Variants in PKP4 observed in about 807,000 individuals in gnomAD.
PKP4 encodes the protein plakophilin 4, also known as plakophilin-4.
PKP4 carries 90 observed loss-of-function variants against 145.1 expected under a neutral mutation model. The observed-to-expected ratio is 0.62, with a 90% CI of 0.52 to 0.74. PKP4 has a LOEUF of 0.74. Ranked by LOEUF, PKP4 falls within the 30% of genes least tolerant of loss-of-function variation. The probability of loss-of-function intolerance (pLI) is 0.00; values close to 1 mark genes in which losing one functional copy is unlikely to be tolerated. For synonymous variants in PKP4, 563 were observed against 577.2 expected (o/e 0.98, Z 0.35); for missense variants, 1,340 against 1,482.7 (o/e 0.90, Z 1.58).
chr2:158,667,537 A>G (rs1365400894), intron 16 of PKP4, among the ~76,000 whole-genome samples: 1 of 152,174 alleles, frequency 6.6e-6, no homozygotes, highest in Non-Finnish European at 1.5e-5. Context: ...ATCTATAGTA[A>G]ACTTAAAATA....
intron 3 of PKP4, among the ~76,000 whole-genome samples, chr2:158,583,539 A>G (rs2048518872): frequency 6.6e-6 from 1 of 152,206 alleles, no homozygotes; most frequent in African/African-American, 2.4e-5. Context: ...TTGAAGTGTG[A>G]TTCACTTACC....
chr2:158,621,027 T>C lies in PKP4; in HGVS notation c.318T>C (p.Ser106=), dbSNP rs759917420. The C allele has an allele frequency of 6.2e-7, 1 of 1,614,170 alleles. No individual in the cohort carries two copies. ...PNTGVSKPRV[S]DAVQPNNYLI... Reference sequence around the variant, plus strand: ...CTGGTGTAAGCAAACCTAGAGTTTCTGACGCTGTCCAGCCCAACAACTATC... The same window carrying C: ...CTGGTGTAAGCAAACCTAGAGTTTCCGACGCTGTCCAGCCCAACAACTATC... Residue 106 remains serine, a synonymous_variant, in exon 5 of 22, where the codon TCT becomes TCC. Transcript: ENST00000389759.
At chr2:158,657,254 T>C (rs188527102) in intron 11 of PKP4, among the ~76,000 whole-genome samples, 4 of 152,220 alleles carry the variant, frequency 2.6e-5, no homozygotes, top group Admixed American at 1.3e-4. Flanking sequence ...TCAAATTTGC[T>C]CCAATGTCTA....
chr2:158,500,164 G>C (rs4605322), intron 1 of PKP4, among the ~76,000 whole-genome samples: 133,115 of 152,156 alleles, frequency 0.87, 58,514 homozygotes, highest in Middle Eastern at 0.93. Context: ...ATTTTTACTA[G>C]TCCCATCATT....
chr2:158,571,762 A>G (rs760015600), intron 2 of PKP4, among the ~76,000 whole-genome samples: 12 of 152,318 alleles, frequency 7.9e-5, no homozygotes, highest in East Asian at 7.7e-4. Flanking sequence ...AATGAGGGTA[A>G]GAGACTAGGA....
At chr2:158,611,670 G>C (rs2051161008) in intron 4 of PKP4, among the ~76,000 whole-genome samples, 1 of 152,144 alleles carries the variant, frequency 6.6e-6, no homozygotes, top group Non-Finnish European at 1.5e-5. Context: ...TAGGAAGTGA[G>C]TGTTGTATTG....
At chr2:158,564,346 T>A (rs1042839001) in intron 2 of PKP4, among the ~76,000 whole-genome samples, 12 of 152,106 alleles carry the variant, frequency 7.9e-5, no homozygotes, top group Non-Finnish European at 8.8e-5. Context: ...CAGATAAGAG[T>A]CCAACTCATT....
At chr2:158,602,382 A>G (rs1362027116) in intron 3 of PKP4, among the ~76,000 whole-genome samples, 3 of 152,244 alleles carry the variant, frequency 2.0e-5, no homozygotes. Flanking sequence ...CTAGCATTTA[A>G]TAAATGCTTA....
intron 1 of PKP4, among the ~76,000 whole-genome samples, chr2:158,514,215 T>A (rs1308376351): frequency 6.6e-6 from 1 of 152,232 alleles, no homozygotes; most frequent in Non-Finnish European, 1.5e-5. Context: ...TTTCAGGCAC[T>A]TTCTGGATCT....
chr2:158,634,646 C>A (rs895811984), intron 9 of PKP4, among the ~76,000 whole-genome samples: 2 of 152,124 alleles, frequency 1.3e-5, no homozygotes, highest in Non-Finnish European at 2.9e-5. Flanking sequence ...TTATCCTGAC[C>A]GACTTCTTCG....
At chr2:158,479,816 A>C (rs1402704661) in intron 1 of PKP4, among the ~76,000 whole-genome samples, 1 of 152,158 alleles carries the variant, frequency 6.6e-6, no homozygotes, top group Non-Finnish European at 1.5e-5. Flanking sequence ...CCTTTTTCCA[A>C]GTCATGACAT....
At position 158,503,306 on chromosome 2, in the gene PKP4, C is replaced by T. The variant is rs867496155; in HGVS notation, c.-5-29874C>T. ...ATATTTACTTGGTGGCTGGCTCTAA[C>T]GCTTCAGTGCAGAGTCCCTTGACTC... On this transcript the variant is annotated intron_variant, in intron 1 of 21. Coordinates refer to ENST00000389759, the MANE Select transcript of PKP4 (RefSeq NM_003628.6). 1.1e-4 allele frequency among the ~76,000 whole-genome samples: 16 copies of T among 152,310 alleles called. No individual in the cohort carries two copies. In the South Asian group the frequency reaches 2.5e-3, roughly 24 times the overall value.
chr2:158,674,074 A>C (rs2106016610), intron 19 of PKP4, 74 bp downstream of exon 19: 1 of 875,728 alleles, frequency 1.1e-6, no homozygotes, highest in African/African-American at 1.6e-5. Flanking sequence ...AGAGAAGATC[A>C]AACATAAGCT....
At chr2:158,656,019 T>G (rs911203589) in intron 11 of PKP4, among the ~76,000 whole-genome samples, 1 of 152,254 alleles carries the variant, frequency 6.6e-6, no homozygotes, top group African/African-American at 2.4e-5. Flanking sequence ...TTCTCATGCT[T>G]AGCTCCCGGA....
At chr2:158,468,011 G>A (rs958277650) in intron 1 of PKP4, among the ~76,000 whole-genome samples, 2 of 152,140 alleles carry the variant, frequency 1.3e-5, no homozygotes, top group Non-Finnish European at 2.9e-5. Flanking sequence ...CCATAATATG[G>A]ATGTACCATA....
intron 1 of PKP4, among the ~76,000 whole-genome samples, chr2:158,497,905 T>C (rs7585776): frequency 0.21 from 31,242 of 152,054 alleles, 3,868 homozygotes; most frequent in Middle Eastern, 0.34. Flanking sequence ...AGTCAAAATC[T>C]CCCAAAACAA....
At chr2:158,671,504 T>C (rs1331063985) in intron 17 of PKP4, among the ~76,000 whole-genome samples, 3 of 152,182 alleles carry the variant, frequency 2.0e-5, no homozygotes, top group Admixed American at 2.0e-4. Context: ...TGCCAGAACC[T>C]TTCCATATTA....
intron 1 of PKP4, among the ~76,000 whole-genome samples, chr2:158,524,429 T>C (rs1197818667): frequency 1.7e-5 from 2 of 119,766 alleles, no homozygotes; most frequent in East Asian, 2.5e-4. Context: ...GACAAGCAAA[T>C]GCTGAGAGAT....
chr2:158,662,091 G>C (rs2056646463), intron 13 of PKP4, among the ~76,000 whole-genome samples: 1 of 152,184 alleles, frequency 6.6e-6, no homozygotes, highest in Non-Finnish European at 1.5e-5. Context: ...GACTTCCAAA[G>C]CGGGCCAGTT....
Sources: allele counts gnomAD v4.1 joint callset (sites outside exome capture counted in the v4.1 genomes callset), GRCh38; gene constraint gnomAD v4.1.1; transcripts MANE v1.5; gene names NCBI Gene and HGNC (gene_info 2026-07-23, HGNC 2026-07-21).